ESYT2: variants seen among roughly 807,000 people sequenced by gnomAD.
ESYT2 encodes the protein extended synaptotagmin 2.
A neutral mutation model predicts 107.2 loss-of-function variants in ESYT2; 54 were observed. The observed-to-expected ratio is 0.50, with a 90% confidence interval of 0.40 to 0.63. The LOEUF (loss-of-function observed/expected upper bound fraction) is 0.63, where lower values mean the gene tolerates loss of function less well. Among genes scored for constraint, ESYT2 ranks in the 30% least tolerant of loss-of-function variants. The pLI, the probability that ESYT2 is intolerant of heterozygous loss-of-function variation, is 0.00. For missense variants in ESYT2, 1,020 were observed against 1,094.5 expected, an observed-to-expected ratio of 0.93 and a Z score of 0.96; for synonymous variants, 491 against 434.1, an observed-to-expected ratio of 1.13 and a Z score of -1.63.
intron 7 of ESYT2, 81 bp from the exon 8 acceptor site, chr7:158,767,855 C>A (rs1487858514): frequency 1.3e-6 from 2 of 1,492,878 alleles, no homozygotes; most frequent in Non-Finnish European, 9.0e-7. Flanking sequence ...AGACTTACCA[C>A]GAATATGATG....
intron 1 of ESYT2, 49 bp downstream of exon 1, chr7:158,829,040 G>A: frequency 6.4e-7 from 1 of 1,561,390 alleles, no homozygotes; most frequent in Non-Finnish European, 8.6e-7. Context: ...GACGAGGGGA[G>A]ATCGGGACTG....
At chr7:158,820,665 AGCCCAAGCTACT>A (rs1174893328) in intron 1 of ESYT2, among the ~76,000 whole-genome samples, 4 of 152,190 alleles carry the variant, frequency 2.6e-5, no homozygotes, top group African/African-American at 9.6e-5. Flanking sequence ...GCATGCCTGT[AGCCCAAGCTACT>A]GGGGAGGCTG....
rs1345509491 is a variant in ESYT2 at position 158,800,659 on chromosome 7, G to T, written c.331-1587C>A. ...CCTGCCTCAGCCTCCCCCTGTGTTG[G>T]AATTACAAGTGTGAGCCACTGTGCC... On this transcript the variant is annotated intron_variant, in intron 1 of 22. Coordinates refer to ENST00000275418, the MANE Select transcript of ESYT2 (RefSeq NM_001367773.1). 6.6e-5 allele frequency among the ~76,000 whole-genome samples: 10 copies of T among 151,946 alleles called. No homozygotes were observed. In the East Asian group the frequency reaches 1.9e-3, roughly 29 times the overall value.
chr7:158,826,183 TTTTA>T (rs1389156737), intron 1 of ESYT2, among the ~76,000 whole-genome samples: 4 of 152,208 alleles, frequency 2.6e-5, no homozygotes, highest in African/African-American at 9.6e-5. Context: ...AACCTGCTGG[TTTTA>T]TTATGAAAAT....
intron 1 of ESYT2, among the ~76,000 whole-genome samples, chr7:158,805,676 G>C (rs767449375): frequency 1.3e-5 from 2 of 152,120 alleles, no homozygotes; most frequent in African/African-American, 2.4e-5. Flanking sequence ...TAATGCTTTG[G>C]TGCAATGACA....
chr7:158,748,051 C>A (rs1837462914), intron 16 of ESYT2, 143 bp downstream of exon 16: 1 of 692,396 alleles, frequency 1.4e-6, no homozygotes, highest in Non-Finnish European at 2.4e-6. Flanking sequence ...TAGGGGAGGC[C>A]CGGGTTACAG....
chr7:158,813,929 AT>A (rs1474910396), intron 1 of ESYT2, among the ~76,000 whole-genome samples: 2 of 152,144 alleles, frequency 1.3e-5, no homozygotes, highest in African/African-American at 4.8e-5. Flanking sequence ...TGTTTAAAAA[AT>A]ATACGTTCCT....
chr7:158,798,957 C>A, intron 2 of ESYT2, 74 bp downstream of exon 2: 2 of 1,470,260 alleles, frequency 1.4e-6, no homozygotes, highest in Non-Finnish European at 1.9e-6. Context: ...ACATGCAAAT[C>A]CCCAAATATG....
At position 158,739,025 on chromosome 7, in the gene ESYT2, G is replaced by T; in HGVS notation, c.2265C>A (p.Cys755Ter). The T allele has an allele frequency of 6.2e-7, 1 of 1,613,746 alleles. No individual in the cohort carries two copies. Among genetic ancestry groups the T allele is most frequent in the Non-Finnish European group, 8.5e-7 (1 of 1,179,792 alleles). The change falls in exon 19 of 23, where the codon TGC (cysteine) becomes TGA (stop). Residue 755 changes from cysteine (C) to a stop codon, truncating the protein, a stop_gained and splice_region_variant. Coordinates refer to ENST00000275418, the MANE Select transcript of ESYT2 (RefSeq NM_001367773.1). LOFTEE classifies it high-confidence loss of function. ...GCGCGTGGGACCCCAGCCCCCACCT[G>T]CAGGCATGCACGACCACGATAAGCT... ...RNKLIVVVHA[C>*]RNLIAFSEDG...
In ESYT2 at chr7:158,731,236, G is replaced by C. The variant is rs1362370670; in HGVS notation, c.*2971C>G. 6.6e-6 allele frequency: 1 copy of C among 152,218 alleles called. No homozygotes were observed. The highest frequency in any genetic ancestry group is 1.5e-5 in the Non-Finnish European group (1 of 68,036). The allele number at this position is 152,218 out of a possible 1,614,324, so 9.4% of individuals were successfully genotyped here. ...AAGGGCCGACCTCTTGATAAAGAATGTCTGTAAAAGGAATTCTTACCGTGC... is the reference window on the plus strand; with the variant it reads ...AAGGGCCGACCTCTTGATAAAGAATCTCTGTAAAAGGAATTCTTACCGTGC... On this transcript the variant is annotated 3_prime_UTR_variant, in exon 23 of 23. Coordinates refer to ENST00000275418, the MANE Select transcript of ESYT2 (RefSeq NM_001367773.1).
chr7:158,805,455 C>T (rs1424370207), intron 1 of ESYT2, among the ~76,000 whole-genome samples: 1 of 152,212 alleles, frequency 6.6e-6, no homozygotes, highest in Non-Finnish European at 1.5e-5. Flanking sequence ...CTGTAATAAG[C>T]TGTCACAGTA....
At chr7:158,825,825 A>G (rs1840423463) in intron 1 of ESYT2, among the ~76,000 whole-genome samples, 1 of 152,210 alleles carries the variant, frequency 6.6e-6, no homozygotes, top group Non-Finnish European at 1.5e-5. Context: ...ATCTTGTTCA[A>G]GGCAAAATAC....
intron 1 of ESYT2, among the ~76,000 whole-genome samples, chr7:158,823,167 C>T (rs545638083): frequency 2.0e-5 from 3 of 149,134 alleles, no homozygotes; most frequent in East Asian, 4.2e-4. Flanking sequence ...TGGCGGTGTG[C>T]GCCTGTAGTC....
chr7:158,736,899 T>G (rs2129471151), intron 20 of ESYT2, 149 bp downstream of exon 20: 6 of 958,866 alleles, frequency 6.3e-6, no homozygotes, highest in Non-Finnish European at 7.8e-6. Context: ...TTATTTGTTT[T>G]GAGAAGTATG....
intron 1 of ESYT2, among the ~76,000 whole-genome samples, chr7:158,828,467 G>C (rs531432990): frequency 1.3e-5 from 2 of 152,256 alleles, no homozygotes; most frequent in Non-Finnish European, 2.9e-5. Context: ...CGGCCGAAGA[G>C]GGGGCGCCAA....
At chr7:158,748,495 G>A (rs892972778) in intron 15 of ESYT2, among the ~76,000 whole-genome samples, 16 of 152,088 alleles carry the variant, frequency 1.1e-4, no homozygotes, top group African/African-American at 3.1e-4. Context: ...ATAACGAGAC[G>A]GTCTAAAGCC....
intron 11 of ESYT2, among the ~76,000 whole-genome samples, 198 bp from the exon 12 acceptor site, chr7:158,760,345 C>A (rs933519681): frequency 1.2e-4 from 18 of 152,226 alleles, no homozygotes; most frequent in African/African-American, 4.3e-4. Context: ...GAGGCGATGG[C>A]AGCAACAGGT....
At chr7:158,745,547 C>G (rs1438438864) in intron 16 of ESYT2, among the ~76,000 whole-genome samples, 1 of 152,208 alleles carries the variant, frequency 6.6e-6, no homozygotes, top group Admixed American at 6.5e-5. Flanking sequence ...GAAAGGCACA[C>G]AGCCTACAGG....
intron 1 of ESYT2, among the ~76,000 whole-genome samples, chr7:158,812,557 A>G (rs1159368965): frequency 2.6e-5 from 4 of 152,246 alleles, no homozygotes; most frequent in Non-Finnish European, 5.9e-5. Flanking sequence ...GCATTCCTCA[A>G]AATGTTAAAC....
Sources: gnomAD v4.1 joint callset for allele counts (sites outside exome capture counted in the v4.1 genomes callset) on GRCh38, gnomAD v4.1.1 for gene constraint, MANE v1.5 for transcripts, NCBI Gene and HGNC (gene_info 2026-07-23, HGNC 2026-07-21) for gene names.